The following ARHGEF18 variants were observed in gnomAD, a reference collection of about 807,000 sequenced individuals.
ARHGEF18 encodes rho guanine nucleotide exchange factor 18.
Under a neutral mutation model 155.7 loss-of-function variants are expected in ARHGEF18, and 93 were observed. That is an observed-to-expected ratio of 0.60 (90% CI 0.50 to 0.71). The LOEUF (loss-of-function observed/expected upper bound fraction) is 0.71, where lower values mean the gene tolerates loss of function less well. ARHGEF18 is among the 30% of genes least tolerant of loss of function. ARHGEF18 has a pLI of 0.00. For synonymous variants in ARHGEF18, 742 were observed against 753.1 expected, an observed-to-expected ratio of 0.99 and a Z score of 0.24; for missense variants, 1,593 against 1,816.1, an observed-to-expected ratio of 0.88 and a Z score of 2.23.
chr19:7,416,513 G>A (rs1038109214), intron 10 of ARHGEF18, among the ~76,000 whole-genome samples: 1 of 149,922 alleles, frequency 6.7e-6, no homozygotes, highest in African/African-American at 2.5e-5. Context: ...GCTGTGATGT[G>A]CCTCACGGAG....
At chr19:7,427,516 C>CT (rs66522268) in intron 10 of ARHGEF18, among the ~76,000 whole-genome samples, 80,726 of 151,224 alleles carry the variant, frequency 0.53, 21,905 homozygotes, top group Middle Eastern at 0.74. Flanking sequence ...GTGGGAGTGT[C>CT]TGCCTGTAGT....
At chr19:7,430,298 C>T (rs1973882931) in intron 10 of ARHGEF18, among the ~76,000 whole-genome samples, 1 of 152,036 alleles carries the variant, frequency 6.6e-6, no homozygotes, top group Non-Finnish European at 1.5e-5. Context: ...AGGTCCCAGG[C>T]TCAAGCGATC....
chr19:7,416,049 A>G (rs563406756), intron 10 of ARHGEF18, among the ~76,000 whole-genome samples: 2 of 152,196 alleles, frequency 1.3e-5, no homozygotes, highest in South Asian at 2.1e-4. Flanking sequence ...TTGAAGGTCT[A>G]TGGAGTACCA....
At chr19:7,466,323 C>T (rs965783147) in intron 23 of ARHGEF18, among the ~76,000 whole-genome samples, 9 of 140,712 alleles carry the variant, frequency 6.4e-5, no homozygotes, top group African/African-American at 2.2e-4. Flanking sequence ...GTGGTGGTTT[C>T]AGTGAGCTGA....
At chr19:7,378,474 G>C (rs1970566032) in intron 6 of ARHGEF18, 23 bp downstream of exon 6, 2 of 1,234,168 alleles carry the variant, frequency 1.6e-6, no homozygotes, top group Admixed American at 8.4e-5. Context: ...CTCGTGGTGG[G>C]GGAGGGACCC....
rs143362947 is a variant in ARHGEF18 at position 7,383,756 on chromosome 19, G to T, written c.967+553G>T. Among the ~76,000 whole-genome samples the T allele has an allele frequency of 7.4e-3, 1,105 of 148,546 alleles. 11 individuals carry two copies. The highest frequency in any genetic ancestry group is 0.026 in the African/African-American group (1,056 of 40,472). On this transcript the variant is annotated intron_variant, in intron 10 of 28. Transcript: ENST00000668164. Reference sequence around the variant, plus strand: ...CTCAGCTTAGCTTATTTACATCCATGAAGACTCTATTTTCAAATAAGGTCG... The same window carrying T: ...CTCAGCTTAGCTTATTTACATCCATTAAGACTCTATTTTCAAATAAGGTCG...
chr19:7,477,799 T>A, the ARHGEF18 span, among the ~76,000 whole-genome samples: 2 of 152,154 alleles, frequency 1.3e-5, no homozygotes, highest in Non-Finnish European at 2.9e-5. Context: ...CCTTTCTTTA[T>A]CAGGATGACA....
intron 3 of ARHGEF18, among the ~76,000 whole-genome samples, chr19:7,373,475 T>G (rs8102080): frequency 1.6e-5 from 2 of 125,530 alleles, no homozygotes; most frequent in Non-Finnish European, 1.5e-5. Context: ...TTTTTTTTTT[T>G]TGTTTTTGTT....
chr19:7,365,327 T>C (rs1157682056), intron 2 of ARHGEF18, among the ~76,000 whole-genome samples: 2 of 152,116 alleles, frequency 1.3e-5, no homozygotes. Context: ...CTCGGGAGAC[T>C]GGGGCAAGAG....
rs746061746 is a variant in ARHGEF18, at chr19:7,463,310, C to T, written c.2636-508C>T. Reference sequence around the variant, plus strand: ...GCCCCCTGGGGACACTCTCATATCCCGCACCTTGGCCTGGAATGTTCTTGT... The same window carrying T: ...GCCCCCTGGGGACACTCTCATATCCTGCACCTTGGCCTGGAATGTTCTTGT... On this transcript the variant is annotated intron_variant, in intron 21 of 28. Coordinates refer to ENST00000668164, the MANE Select transcript of ARHGEF18 (RefSeq NM_001367823.1). This position sits in a 1 kb window ranked among gnomAD's most constrained non-coding sequence, Gnocchi z 5.2. 6.6e-6 allele frequency among the ~76,000 whole-genome samples: 1 copy of T among 152,188 alleles called. No homozygotes were observed. Among genetic ancestry groups the T allele is most frequent in the Admixed American group, 6.5e-5 (1 of 15,274 alleles).
downstream of ARHGEF18, among the ~76,000 whole-genome samples, chr19:7,476,645 C>T (rs930263924): frequency 1.2e-4 from 19 of 152,232 alleles, no homozygotes; most frequent in African/African-American, 3.9e-4. Flanking sequence ...TGAGAGGTGG[C>T]GCCTCTGGCC....
chr19:7,376,280 A>G (rs950567284), intron 4 of ARHGEF18, among the ~76,000 whole-genome samples: 1 of 152,118 alleles, frequency 6.6e-6, no homozygotes, highest in Admixed American at 6.5e-5. Context: ...CTGAGATCCC[A>G]GCTCACACCT....
In ARHGEF18 at chr19:7,466,853, A is replaced by AGAAGAAGGC. The variant is rs1283919601; in HGVS notation, c.2905-64_2905-63insAAGAAGGCG. 2.6e-3 allele frequency: 3,613 copies of AGAAGAAGGC among 1,379,820 alleles called. 9 individuals are homozygous for AGAAGAAGGC. Among genetic ancestry groups the AGAAGAAGGC allele is most frequent in the Non-Finnish European group, 3.0e-3 (3,049 of 1,002,012 alleles). 85.5% of individuals were successfully genotyped at this position (1,379,820 alleles called of 1,614,324 possible). A position where few individuals can be genotyped will look rare whatever the true frequency, so the allele number is the denominator to read the frequency against. ...TTAAAAAAAAAGAAGAAGAAGAAGA[A>AGAAGAAGGC]GGCTTGAGTCTAGTCGGATGGGTCT... On this transcript the variant is annotated intron_variant, in intron 23 of 28. Transcript: ENST00000668164.
intron 23 of ARHGEF18, among the ~76,000 whole-genome samples, chr19:7,465,194 C>A (rs1976537449): frequency 6.6e-6 from 1 of 152,192 alleles, no homozygotes; most frequent in Admixed American, 6.5e-5. Context: ...CAAGCCCACT[C>A]TACCTCCCAG....
intron 10 of ARHGEF18, among the ~76,000 whole-genome samples, chr19:7,416,624 A>C (rs1973038169): frequency 1.3e-5 from 1 of 79,464 alleles, no homozygotes; most frequent in African/African-American, 4.6e-5. Flanking sequence ...TTTTTTTGAG[A>C]CAGAGTCTTG....
intron 10 of ARHGEF18, among the ~76,000 whole-genome samples, chr19:7,411,249 C>CTT: frequency 7.5e-6 from 1 of 133,392 alleles, no homozygotes; most frequent in East Asian, 2.3e-4. Context: ...CTTTCCCCTA[C>CTT]CTCTTCCCCT....
chr19:7,450,091 C>T (rs1467468095), intron 15 of ARHGEF18, among the ~76,000 whole-genome samples: 1 of 151,432 alleles, frequency 6.6e-6, no homozygotes, highest in African/African-American at 2.4e-5. Context: ...AAGGAGCCCC[C>T]AGCCTTGGCA....
At position 7,444,366 on chromosome 19, in the gene ARHGEF18, G is replaced by C; in HGVS notation, c.1523G>C (p.Arg508Pro). ...GAGACGCACAGCCACTTCCTCGCTCGGCTCAAGGAGCGCCGCCAGGAGTCC... is the reference window on the plus strand; with the variant it reads ...GAGACGCACAGCCACTTCCTCGCTCCGCTCAAGGAGCGCCGCCAGGAGTCC... ...LLETHSHFLA[R>P]LKERRQESLE... Residue 508 changes from arginine to proline, a missense_variant, in exon 14 of 29, where the codon CGG (arginine) becomes CCG (proline). Physicochemically the swap from Arg to Pro is moderately radical, Grantham distance 103. Transcript: ENST00000668164. The surrounding 1 kb of genome is among the most constrained non-coding windows in gnomAD (Gnocchi z 4.7). 1 of 1,613,520 alleles carries C rather than the reference G, an allele frequency of 6.2e-7. No homozygotes were observed.
At chr19:7,416,901 C>A (rs1212832958) in intron 10 of ARHGEF18, among the ~76,000 whole-genome samples, 1 of 151,530 alleles carries the variant, frequency 6.6e-6, no homozygotes, top group Non-Finnish European at 1.5e-5. Context: ...CCATGCCCGG[C>A]TGTTTTTGTT....
Sources: gnomAD v4.1 joint callset for allele counts (sites outside exome capture counted in the v4.1 genomes callset) on GRCh38, gnomAD v4.1.1 for gene constraint, Gnocchi (gnomAD v3.1) non-coding constraint, MANE v1.5 for transcripts, NCBI Gene and HGNC (gene_info 2026-07-23, HGNC 2026-07-21) for gene names.